The following IFT52 variants were observed in gnomAD, a reference collection of about 807,000 sequenced individuals.
IFT52 encodes the protein intraflagellar transport 52, also known as intraflagellar transport protein 52 homolog.
Under a neutral mutation model 54.4 loss-of-function variants are expected in IFT52, and 44 were observed. The observed-to-expected ratio is 0.81, with a 90% CI of 0.63 to 1.04. The LOEUF (loss-of-function observed/expected upper bound fraction) is 1.04, where lower values mean the gene tolerates loss of function less well. Among genes scored for constraint, IFT52 ranks in the 50% least tolerant of loss-of-function variants. The pLI, the probability that IFT52 is intolerant of heterozygous loss-of-function variation, is 0.00. For missense variants in IFT52, 452 were observed against 523.6 expected (o/e 0.86, Z 1.33); for synonymous variants, 181 against 185.3 (o/e 0.98, Z 0.19).
At chr20:43,646,392 G>A (rs1369112645) in intron 13 of IFT52, among the ~76,000 whole-genome samples, 1 of 152,112 alleles carries the variant, frequency 6.6e-6, no homozygotes, top group East Asian at 1.9e-4. Context: ...ATTTGGCAGT[G>A]TTTTACTCTC....
At chr20:43,610,097 C>G (rs1983305166) in intron 6 of IFT52, among the ~76,000 whole-genome samples, 1 of 151,324 alleles carries the variant, frequency 6.6e-6, no homozygotes, top group Non-Finnish European at 1.5e-5. Flanking sequence ...GTTAAGAGTT[C>G]AGGACCAGCC....
At chr20:43,591,127 A>G (rs1458699315) in intron 1 of IFT52, 73 bp downstream of exon 1, 1 of 152,294 alleles carries the variant, frequency 6.6e-6, no homozygotes, top group African/African-American at 2.4e-5. Context: ...GACTCGCCGC[A>G]CTCTTCGAGG....
At chr20:43,641,835 C>T (rs1266849343) in intron 12 of IFT52, among the ~76,000 whole-genome samples, 2 of 151,380 alleles carry the variant, frequency 1.3e-5, no homozygotes, top group Non-Finnish European at 2.9e-5. Context: ...GTTCTGTTGC[C>T]CGGGGTGGAG....
rs1461836672 is a variant in IFT52, at chr20:43,613,934, C to T, written c.570C>T (p.Cys190=). 6.2e-7 allele frequency: 1 copy of T among 1,613,908 alleles called. No individual in the cohort carries two copies. Among genetic ancestry groups the T allele is most frequent in the Non-Finnish European group, 8.5e-7 (1 of 1,179,758 alleles). Residue 190 remains cysteine, a synonymous_variant, in exon 7 of 14, where the codon TGC becomes TGT. Transcript: ENST00000373030. ...CGGTTCTGTCTACAGGTTCTGTCTG[C>T]TTCCCACTTAACAGACCCATTTTGG... ...AVAVLSTGSV[C]FPLNRPILAF...
chr20:43,635,457 C>T lies in IFT52; in HGVS notation c.924-469C>T, dbSNP rs559636919. On this transcript the variant is annotated intron_variant, in intron 10 of 13. Coordinates refer to ENST00000373030, the MANE Select transcript of IFT52 (RefSeq NM_016004.5). ...GATTATAGGCGCCAGCCACCACACC[C>T]GGCTAATTTTTGTATTTTTAGTGGA... is the stretch of plus-strand genomic sequence containing the variant. 7.9e-5 allele frequency among the ~76,000 whole-genome samples: 12 copies of T among 152,180 alleles called. 1 individual carries two copies. Among genetic ancestry groups the T allele is most frequent in the Middle Eastern group, 6.8e-3 (2 of 294 alleles).
chr20:43,601,114 A>G (rs563385033), intron 3 of IFT52, among the ~76,000 whole-genome samples: 2 of 152,254 alleles, frequency 1.3e-5, no homozygotes, highest in East Asian at 3.9e-4. Flanking sequence ...TGAATATTGC[A>G]GGACCTTAAC....
At chr20:43,629,430 A>G (rs1046600487) in intron 10 of IFT52, among the ~76,000 whole-genome samples, 7 of 152,050 alleles carry the variant, frequency 4.6e-5, no homozygotes, top group Non-Finnish European at 8.8e-5. Context: ...CTGCCACCAC[A>G]TCCAGCTAAT....
Position 43,604,182 on chromosome 20 carries a change from G to A in IFT52, c.338-1G>A. ...TACCTCCTTCTCTTTTTCCCTCATA[G>A]ATGCTGTGGTTAGAAATGTATATCA... On this transcript the variant is annotated splice_acceptor_variant, in intron 4 of 13. Transcript: ENST00000373030. LOFTEE classifies it high-confidence loss of function. 6.2e-7 allele frequency: 1 copy of A among 1,600,512 alleles called. No individual in the cohort carries two copies. The highest frequency in any genetic ancestry group is 8.6e-7 in the Non-Finnish European group (1 of 1,167,914).
intron 3 of IFT52, among the ~76,000 whole-genome samples, chr20:43,602,042 C>G (rs949287426): frequency 6.6e-6 from 1 of 152,114 alleles, no homozygotes; most frequent in African/African-American, 2.4e-5. Context: ...GACCATCTAC[C>G]AATAATGATC....
intron 9 of IFT52, among the ~76,000 whole-genome samples, chr20:43,623,445 C>T (rs1568769858): frequency 6.6e-6 from 1 of 152,168 alleles, no homozygotes. Context: ...CCTCAGCCTC[C>T]CAAAGTGTTG....
At chr20:43,629,878 C>A (rs1017634004) in intron 10 of IFT52, among the ~76,000 whole-genome samples, 1 of 152,136 alleles carries the variant, frequency 6.6e-6, no homozygotes, top group Admixed American at 6.6e-5. Context: ...CATCTGAGGA[C>A]GCTGAGGCAC....
In IFT52 at chr20:43,645,057, A is replaced by C. The variant is rs1467261745; in HGVS notation, c.1267-1879A>C. Among the ~76,000 whole-genome samples the C allele has an allele frequency of 2.2e-4, 12 of 55,256 alleles. 4 individuals carry two copies. The highest frequency in any genetic ancestry group is 4.3e-4 in the Non-Finnish European group (10 of 23,460). 36.3% of individuals were successfully genotyped at this position (55,256 alleles called of 152,430 possible). ...GGGAGGCGGAGGTTGCAGTGAGCCA[A>C]GATTGCACCACTGTACTCCAACCTG... is the stretch of plus-strand genomic sequence containing the variant. On this transcript the variant is annotated intron_variant, in intron 13 of 13. Coordinates refer to ENST00000373030, the MANE Select transcript of IFT52 (RefSeq NM_016004.5).
rs6065638 is a variant in IFT52 at position 43,637,060 on chromosome 20, T to C, written c.1012-85T>C. 777,503 of 942,630 alleles carry C rather than the reference T, an allele frequency of 0.82. 321,359 individuals carry two copies. Among genetic ancestry groups the C allele is most frequent in the African/African-American group, 0.95 (58,340 of 61,166 alleles). The allele number at this position is 942,630 out of a possible 1,614,324, so 58.4% of individuals were successfully genotyped here. A position where few individuals can be genotyped will look rare whatever the true frequency, so the allele number is the denominator to read the frequency against. Reference sequence around the variant, plus strand: ...TGTGTCTTATCACTGTTAGTTATGATTTTGGACAAGCTCTTTCTTGAGAGA... The same window carrying C: ...TGTGTCTTATCACTGTTAGTTATGACTTTGGACAAGCTCTTTCTTGAGAGA... On this transcript the variant is annotated intron_variant, in intron 11 of 13. Coordinates refer to ENST00000373030, the MANE Select transcript of IFT52 (RefSeq NM_016004.5).
At chr20:43,604,134 G>T in intron 4 of IFT52, 49 bp from the exon 5 acceptor site, 1 of 1,462,096 alleles carries the variant, frequency 6.8e-7, no homozygotes, top group South Asian at 1.1e-5. Flanking sequence ...CTATAATATC[G>T]AATTTATTTC....
intron 3 of IFT52, among the ~76,000 whole-genome samples, chr20:43,600,925 C>T (rs938153430): frequency 2.6e-5 from 4 of 151,980 alleles, no homozygotes; most frequent in Admixed American, 1.3e-4. Context: ...GAGCCGAGAT[C>T]GAGCCACTGC....
chr20:43,619,111 A>G, intron 8 of IFT52, 85 bp downstream of exon 8: 3 of 973,050 alleles, frequency 3.1e-6, no homozygotes, highest in Non-Finnish European at 4.7e-6. Flanking sequence ...TTATTTGCTC[A>G]TTTAAAAGCA....
At chr20:43,646,103 C>T (rs1433569014) in intron 13 of IFT52, among the ~76,000 whole-genome samples, 4 of 149,758 alleles carry the variant, frequency 2.7e-5, no homozygotes, top group Admixed American at 6.7e-5. Context: ...CCCAGCTACT[C>T]GGGAGGCTGG....
At chr20:43,616,998 G>A (rs546864811) in intron 7 of IFT52, among the ~76,000 whole-genome samples, 51 of 152,252 alleles carry the variant, frequency 3.3e-4, no homozygotes, top group African/African-American at 1.1e-3. Flanking sequence ...GGGAGACAGA[G>A]TGAGACCCTA....
intron 10 of IFT52, among the ~76,000 whole-genome samples, chr20:43,634,538 G>A (rs756986547): frequency 2.6e-5 from 4 of 151,832 alleles, no homozygotes; most frequent in Non-Finnish European, 4.4e-5. Context: ...AACATATTCT[G>A]ATCTAAAATG....
Sources: gnomAD v4.1 joint callset for allele counts (sites outside exome capture counted in the v4.1 genomes callset) on GRCh38, gnomAD v4.1.1 for gene constraint, MANE v1.5 for transcripts, NCBI Gene and HGNC (gene_info 2026-07-23, HGNC 2026-07-21) for gene names.